The following PLXDC2 variants were observed in gnomAD, a reference collection of about 807,000 sequenced individuals.
The protein encoded by PLXDC2 is plexin domain-containing protein 2.
Under a neutral mutation model 68.9 loss-of-function variants are expected in PLXDC2, and 40 were observed. The ratio of observed to expected loss-of-function variants is 0.58; its 90% CI spans 0.45 to 0.76. The LOEUF (loss-of-function observed/expected upper bound fraction) is 0.76, where lower values mean the gene tolerates loss of function less well. PLXDC2 is among the 30% of genes least tolerant of loss of function. The probability of loss-of-function intolerance (pLI) is 0.00; values close to 1 mark genes in which losing one functional copy is unlikely to be tolerated. For missense variants in PLXDC2, 644 were observed against 661.9 expected (o/e 0.97, Z 0.30); for synonymous variants, 243 against 234.2 (o/e 1.04, Z -0.34).
rs913418180 is a variant in PLXDC2, at chr10:20,281,091, G to C, written c.*1272G>C. On this transcript the variant is annotated 3_prime_UTR_variant, in exon 14 of 14. Coordinates refer to ENST00000377252, the MANE Select transcript of PLXDC2 (RefSeq NM_032812.9). The stretch of plus-strand genomic sequence containing the variant: ...TCTGTCACTTAGCAAAAGTGGTTCA[G>C]TTCATTGCCGCGCCCATCATGTTCT... 3 of 152,068 alleles carry C rather than the reference G, an allele frequency of 2.0e-5. No homozygotes were observed. The highest frequency in any genetic ancestry group is 2.9e-5 in the Non-Finnish European group (2 of 67,994). The allele number at this position is 152,068 out of a possible 1,614,324, so 9.4% of individuals were successfully genotyped here. A position where few individuals can be genotyped will look rare whatever the true frequency, so the allele number is the denominator to read the frequency against.
chr10:19,967,976 T>C (rs1472281570), intron 1 of PLXDC2, among the ~76,000 whole-genome samples: 1 of 152,216 alleles, frequency 6.6e-6, no homozygotes, highest in Non-Finnish European at 1.5e-5. Flanking sequence ...GTGCATTAGC[T>C]GAAAGGACTT....
intron 4 of PLXDC2, among the ~76,000 whole-genome samples, chr10:20,109,312 G>A (rs1833529091): frequency 6.6e-6 from 1 of 152,094 alleles, no homozygotes; most frequent in South Asian, 2.1e-4. Flanking sequence ...TTGTTATAAG[G>A]CATTATTTTT....
chr10:19,863,025 C>G (rs547833229), intron 1 of PLXDC2, among the ~76,000 whole-genome samples: 13 of 152,236 alleles, frequency 8.5e-5, no homozygotes, highest in South Asian at 8.3e-4. Context: ...ATGACAAGAA[C>G]ATATGGGGAC....
chr10:20,197,438 A>G (rs1006268781), intron 9 of PLXDC2, among the ~76,000 whole-genome samples: 5 of 151,960 alleles, frequency 3.3e-5, no homozygotes, highest in Non-Finnish European at 7.4e-5. Flanking sequence ...TCTCACTGCA[A>G]CCTCTGCCTC....
At chr10:20,238,684 T>TACACAC (rs1835470966) in intron 12 of PLXDC2, among the ~76,000 whole-genome samples, 1 of 139,144 alleles carries the variant, frequency 7.2e-6, no homozygotes, top group African/African-American at 2.7e-5. Flanking sequence ...TATGTATATA[T>TACACAC]ATATATATAC....
intron 1 of PLXDC2, among the ~76,000 whole-genome samples, chr10:19,858,660 G>A (rs910826496): frequency 7.2e-5 from 11 of 152,114 alleles, no homozygotes; most frequent in Middle Eastern, 3.2e-3. Flanking sequence ...AAGGTGCAGG[G>A]GAGAGTCTGG....
intron 1 of PLXDC2, among the ~76,000 whole-genome samples, chr10:19,853,875 C>G (rs1406800555): frequency 6.6e-6 from 1 of 152,168 alleles, no homozygotes; most frequent in Non-Finnish European, 1.5e-5. Flanking sequence ...TTTTGTGTCT[C>G]TTTGGTCCAA....
At chr10:19,968,886 T>G (rs547041249) in intron 1 of PLXDC2, among the ~76,000 whole-genome samples, 13 of 152,260 alleles carry the variant, frequency 8.5e-5, no homozygotes, top group East Asian at 1.9e-4. Flanking sequence ...GGGTAAGGCC[T>G]CCAATCCACA....
At chr10:19,944,411 CA>C (rs59673960) in intron 1 of PLXDC2, among the ~76,000 whole-genome samples, 28,274 of 131,160 alleles carry the variant, frequency 0.22, 3,954 homozygotes, top group African/African-American at 0.43. Context: ...GGTAACTTTT[CA>C]AAAAAAAAAA....
chr10:20,163,790 A>C (rs775515570), intron 6 of PLXDC2, among the ~76,000 whole-genome samples: 3 of 152,080 alleles, frequency 2.0e-5, no homozygotes, highest in Admixed American at 6.6e-5. Flanking sequence ...ATGTATCATA[A>C]TTTTTTAACT....
At chr10:19,990,261 C>G (rs960568863) in intron 1 of PLXDC2, among the ~76,000 whole-genome samples, 6 of 152,256 alleles carry the variant, frequency 3.9e-5, no homozygotes, top group Non-Finnish European at 7.4e-5. Flanking sequence ...TAATTTTTAG[C>G]AAAATCCTGG....
intron 1 of PLXDC2, among the ~76,000 whole-genome samples, chr10:19,900,325 C>G (rs1258812433): frequency 6.6e-6 from 1 of 152,148 alleles, no homozygotes; most frequent in Non-Finnish European, 1.5e-5. Context: ...CTCTTTTAAA[C>G]AATCAGTTAG....
intron 4 of PLXDC2, among the ~76,000 whole-genome samples, chr10:20,087,439 A>G (rs1012363015): frequency 3.3e-5 from 5 of 152,228 alleles, no homozygotes; most frequent in Non-Finnish European, 5.9e-5. Context: ...GTAAAGCACA[A>G]TTCATCATTC....
At chr10:20,168,489 C>T (rs1490673971) in intron 7 of PLXDC2, among the ~76,000 whole-genome samples, 2 of 152,148 alleles carry the variant, frequency 1.3e-5, no homozygotes, top group Non-Finnish European at 2.9e-5. Context: ...AACACAGTGA[C>T]AGTGTGTCTC....
chr10:20,082,794 T>C (rs570129067), intron 4 of PLXDC2, among the ~76,000 whole-genome samples: 46 of 152,190 alleles, frequency 3.0e-4, no homozygotes, highest in Non-Finnish European at 6.0e-4. Flanking sequence ...CTGAGGATGT[T>C]CAGGTTTTGG....
chr10:20,251,106 C>T (rs888900913), intron 13 of PLXDC2, among the ~76,000 whole-genome samples: 18 of 152,148 alleles, frequency 1.2e-4, no homozygotes, highest in Admixed American at 2.0e-4. Flanking sequence ...GTTCCATTCT[C>T]CTAAAACATT....
chr10:20,212,725 A>G (rs563845462), intron 10 of PLXDC2, among the ~76,000 whole-genome samples: 1 of 152,276 alleles, frequency 6.6e-6, no homozygotes, highest in East Asian at 1.9e-4. Context: ...AACATTCTTG[A>G]ACTTTAAATG....
chr10:20,035,504 C>T (rs761189213), intron 2 of PLXDC2, among the ~76,000 whole-genome samples: 8 of 151,954 alleles, frequency 5.3e-5, no homozygotes, highest in Non-Finnish European at 1.2e-4. Context: ...CGAGACCAGC[C>T]TGGCTAACAT....
At chr10:19,968,422 C>CCAGCCT (rs1834300026) in intron 1 of PLXDC2, among the ~76,000 whole-genome samples, 1 of 152,186 alleles carries the variant, frequency 6.6e-6, no homozygotes, top group African/African-American at 2.4e-5. Context: ...AACTGATTCT[C>CCAGCCT]CAGCCTCAGC....
Sources: allele counts gnomAD v4.1 joint callset (sites outside exome capture counted in the v4.1 genomes callset), GRCh38; gene constraint gnomAD v4.1.1; transcripts MANE v1.5; gene names NCBI Gene and HGNC (gene_info 2026-07-23, HGNC 2026-07-21).